Variants in ZEB1 observed in about 807,000 individuals in gnomAD.
ZEB1 encodes the protein zinc finger E-box binding homeobox 1.
Under a neutral mutation model 84.9 loss-of-function variants are expected in ZEB1, and 21 were observed. The ratio of observed to expected loss-of-function variants is 0.25; its 90% CI spans 0.18 to 0.36. The LOEUF is 0.36. Among genes scored for constraint, ZEB1 ranks in the 10% least tolerant of loss-of-function variants. The pLI, the probability that ZEB1 is intolerant of heterozygous loss-of-function variation, is 1.00. For synonymous variants in ZEB1, 420 were observed against 471.1 expected (o/e 0.89, Z 1.41); for missense variants, 1,104 against 1,330.2 (o/e 0.83, Z 2.65).
intron 1 of ZEB1, among the ~76,000 whole-genome samples, chr10:31,455,576 A>T (rs1436565008): frequency 2.2e-5 from 3 of 135,428 alleles, no homozygotes; most frequent in African/African-American, 3.9e-5. Flanking sequence ...GAAAAAAACA[A>T]CCCCATCAAA....
chr10:31,358,769 C>T (rs1176316293), intron 1 of ZEB1, among the ~76,000 whole-genome samples: 1 of 152,050 alleles, frequency 6.6e-6, no homozygotes, highest in Non-Finnish European at 1.5e-5. Flanking sequence ...GTTATTTTGG[C>T]TAAAATATTT....
chr10:31,450,207 T>C (rs1207072685), intron 1 of ZEB1, among the ~76,000 whole-genome samples: 7 of 152,248 alleles, frequency 4.6e-5, no homozygotes, highest in Admixed American at 2.6e-4. Flanking sequence ...AACCAAGATA[T>C]AGCTTTTCAT....
At chr10:31,329,665 T>C (rs1177796141) in intron 1 of ZEB1, among the ~76,000 whole-genome samples, 1 of 152,156 alleles carries the variant, frequency 6.6e-6, no homozygotes, top group African/African-American at 2.4e-5. Context: ...TTTTTACATT[T>C]CCACCAGCCA....
intron 2 of ZEB1, among the ~76,000 whole-genome samples, chr10:31,478,111 C>T (rs767095041): frequency 5.9e-5 from 9 of 151,708 alleles, no homozygotes; most frequent in Non-Finnish European, 1.0e-4. Context: ...GTCATACCTC[C>T]GACAAAGAAC....
chr10:31,342,592 T>G (rs1445100024), intron 1 of ZEB1, among the ~76,000 whole-genome samples: 8 of 152,148 alleles, frequency 5.3e-5, no homozygotes, highest in Admixed American at 4.6e-4. Flanking sequence ...ACTAGAAGTT[T>G]GAATAGAGAG....
At chr10:31,393,293 C>T (rs2050122939) in intron 1 of ZEB1, among the ~76,000 whole-genome samples, 2 of 152,018 alleles carry the variant, frequency 1.3e-5, no homozygotes, top group South Asian at 4.1e-4. Context: ...AGGTAGTTAT[C>T]ACTCATGCTT....
intron 1 of ZEB1, among the ~76,000 whole-genome samples, chr10:31,460,162 A>C (rs1009999747): frequency 2.0e-5 from 3 of 152,052 alleles, no homozygotes; most frequent in African/African-American, 7.2e-5. Flanking sequence ...AAAGGAAAAC[A>C]TTGATTATAC....
At chr10:31,409,181 C>G (rs1277161287) in intron 1 of ZEB1, among the ~76,000 whole-genome samples, 1 of 152,158 alleles carries the variant, frequency 6.6e-6, no homozygotes, top group African/African-American at 2.4e-5. Context: ...AAATGCAAAT[C>G]AAAACCACAA....
chr10:31,492,519 G>T (rs887627049), intron 2 of ZEB1, among the ~76,000 whole-genome samples: 9 of 151,716 alleles, frequency 5.9e-5, no homozygotes, highest in Non-Finnish European at 1.0e-4. Context: ...ATAAGTCAAG[G>T]AGTATCTATA....
chr10:31,514,757 TAATA>T (rs978491716), intron 6 of ZEB1, 49 bp downstream of exon 6: 1 of 1,406,360 alleles, frequency 7.1e-7, no homozygotes, highest in African/African-American at 1.4e-5. Flanking sequence ...GCATATGTGG[TAATA>T]AATAAATATC....
intron 1 of ZEB1, among the ~76,000 whole-genome samples, chr10:31,444,821 G>T (rs2059547116): frequency 6.6e-6 from 1 of 151,406 alleles, no homozygotes; most frequent in Non-Finnish European, 1.5e-5. Context: ...CTGTAGCCTT[G>T]TAGTATAGTT....
At chr10:31,509,560 C>T (rs1358426907) in intron 4 of ZEB1, among the ~76,000 whole-genome samples, 4 of 152,112 alleles carry the variant, frequency 2.6e-5, no homozygotes, top group African/African-American at 9.7e-5. Context: ...ATCTTGAAGC[C>T]CCTCTCTCAA....
intron 1 of ZEB1, among the ~76,000 whole-genome samples, chr10:31,435,812 T>C (rs1197836667): frequency 6.6e-6 from 1 of 152,222 alleles, no homozygotes; most frequent in African/African-American, 2.4e-5. Flanking sequence ...TACATTTTGC[T>C]TTACATTTTT....
chr10:31,427,485 C>CT (rs1340938839), intron 1 of ZEB1, among the ~76,000 whole-genome samples: 2 of 152,058 alleles, frequency 1.3e-5, no homozygotes, highest in Non-Finnish European at 2.9e-5. Flanking sequence ...TCTTTCTCTC[C>CT]CCCCACCTCC....
chr10:31,336,730 T>C (rs559276887), intron 1 of ZEB1, among the ~76,000 whole-genome samples: 3 of 152,202 alleles, frequency 2.0e-5, no homozygotes, highest in East Asian at 1.9e-4. Context: ...TTATAAGATA[T>C]TCAACCTCAT....
Position 31,528,176 on chromosome 10 carries a change from C to A in ZEB1, c.*912C>A, listed in dbSNP as rs1056898093. 6.6e-6 allele frequency: 1 copy of A among 152,184 alleles called. No homozygotes were observed. Among genetic ancestry groups the A allele is most frequent in the Non-Finnish European group, 1.5e-5 (1 of 68,024 alleles). The allele number at this position is 152,184 out of a possible 1,614,324, so 9.4% of individuals were successfully genotyped here. ...TTTCTCAGTATTTTCAAGGCTCTAA[C>A]CCGCCTTCATCCAATGTGTGGCCTA... On this transcript the variant is annotated 3_prime_UTR_variant, in exon 9 of 9. Coordinates refer to ENST00000424869, the MANE Select transcript of ZEB1 (RefSeq NM_001174096.2).
intron 1 of ZEB1, among the ~76,000 whole-genome samples, chr10:31,334,192 C>A (rs1346066933): frequency 6.6e-6 from 1 of 151,982 alleles, no homozygotes; most frequent in South Asian, 2.1e-4. Context: ...GTAATGGACA[C>A]GTATGGAACA....
intron 2 of ZEB1, among the ~76,000 whole-genome samples, chr10:31,477,647 A>G (rs1484621592): frequency 6.6e-6 from 1 of 152,042 alleles, no homozygotes; most frequent in East Asian, 1.9e-4. Flanking sequence ...ATATCGTGAT[A>G]CCATGATAAA....
At chr10:31,489,687 TCA>T (rs1310234024) in intron 2 of ZEB1, among the ~76,000 whole-genome samples, 2 of 151,446 alleles carry the variant, frequency 1.3e-5, no homozygotes, top group South Asian at 2.1e-4. Context: ...TCCTAACTTT[TCA>T]CAGTCTATTT....
Sources: gnomAD v4.1 joint callset for allele counts (sites outside exome capture counted in the v4.1 genomes callset) on GRCh38, gnomAD v4.1.1 for gene constraint, MANE v1.5 for transcripts, NCBI Gene and HGNC (gene_info 2026-07-23, HGNC 2026-07-21) for gene names.